The following DIS3L2 variants were observed in gnomAD, a reference collection of about 807,000 sequenced individuals.
DIS3L2 encodes the protein DIS3-like exonuclease 2.
DIS3L2 carries 34 observed loss-of-function variants against 97.5 expected under a neutral mutation model. That is an observed-to-expected ratio of 0.35 (90% CI 0.27 to 0.46). The LOEUF (loss-of-function observed/expected upper bound fraction) is 0.46, where lower values mean the gene tolerates loss of function less well. Ranked by LOEUF, DIS3L2 falls within the 20% of genes least tolerant of loss-of-function variation. DIS3L2 has a pLI of 1.00. For missense variants in DIS3L2, 1,038 were observed against 1,146.0 expected, an observed-to-expected ratio of 0.91 and a Z score of 1.36; for synonymous variants, 435 against 445.2, an observed-to-expected ratio of 0.98 and a Z score of 0.29.
chr2:232,195,282 T>G (rs1190897671), intron 9 of DIS3L2, among the ~76,000 whole-genome samples: 1 of 152,246 alleles, frequency 6.6e-6, no homozygotes, highest in Non-Finnish European at 1.5e-5. Context: ...AATGGGTTCT[T>G]CTTGCCCATT....
chr2:232,028,351 T>A (rs137889473), intron 4 of DIS3L2, among the ~76,000 whole-genome samples: 1 of 152,202 alleles, frequency 6.6e-6, no homozygotes, highest in South Asian at 2.1e-4. Context: ...ACTTTTAATA[T>A]TGAGCAGTTC....
intron 7 of DIS3L2, chr2:232,132,003 T>A (rs1272172660): frequency 7.0e-6 from 1 of 141,906 alleles, no homozygotes; most frequent in African/African-American, 2.6e-5. Flanking sequence ...GGTGTTCACA[T>A]TAAAAATTAG....
rs564954034 is a variant in DIS3L2 at position 231,988,336 on chromosome 2, C to T, written c.-93-26499C>T. Among the ~76,000 whole-genome samples the T allele has an allele frequency of 6.6e-5, 10 of 152,336 alleles. No homozygotes were observed. The South Asian group carries it at 1.9e-3, about 28-fold the overall frequency. On this transcript the variant is annotated intron_variant, in intron 1 of 20. Coordinates refer to ENST00000325385, the MANE Select transcript of DIS3L2 (RefSeq NM_152383.5). ...ATGAATGTGGAACTTAATTTCTCCACGGAAAGTGGAGCTAGAGTGAGGGTT... is the reference window on the plus strand; with the variant it reads ...ATGAATGTGGAACTTAATTTCTCCATGGAAAGTGGAGCTAGAGTGAGGGTT...
At chr2:232,191,118 C>T (rs751790576) in intron 9 of DIS3L2, among the ~76,000 whole-genome samples, 1 of 152,092 alleles carries the variant, frequency 6.6e-6, no homozygotes, top group African/African-American at 2.4e-5. Flanking sequence ...GGATCCTAAA[C>T]GTAAACATCT....
Position 232,322,289 on chromosome 2 carries a change from T to C in DIS3L2, c.1740-7524T>C, listed in dbSNP as rs570870614. On this transcript the variant is annotated intron_variant, in intron 14 of 20. Coordinates refer to ENST00000325385, the MANE Select transcript of DIS3L2 (RefSeq NM_152383.5). The stretch of plus-strand genomic sequence containing the variant: ...GCTTGGGCAAGCCCTTCGAGCTCAC[T>C]GAGCTCCCTGTGCTCCTGCCAGGCA... 1.5e-3 allele frequency among the ~76,000 whole-genome samples: 235 copies of C among 152,346 alleles called. 1 individual carries two copies. The highest frequency in any genetic ancestry group is 5.6e-3 in the African/African-American group (231 of 41,582).
chr2:232,318,366 A>G (rs1200885083), intron 14 of DIS3L2, among the ~76,000 whole-genome samples: 2 of 152,264 alleles, frequency 1.3e-5, no homozygotes, highest in African/African-American at 4.8e-5. Flanking sequence ...AGTTTCGCCA[A>G]GTGTTCTCTG....
Position 232,249,245 on chromosome 2 carries a change from C to T in DIS3L2, c.1324C>T (p.Pro442Ser). The T allele has an allele frequency of 6.2e-7, 1 of 1,613,800 alleles. No individual in the cohort carries two copies. The highest frequency in any genetic ancestry group is 8.5e-7 in the Non-Finnish European group (1 of 1,179,988). ...GCCTGTGCTCTATTTACAGGTGGTC[C>T]CCATGCTTCCCAGGCTGCTGTGTGA... is the stretch of plus-strand genomic sequence containing the variant. ...TSVYLVQKVV[P>S]MLPRLLCEEL... Residue 442 changes from proline to serine, a missense_variant, in exon 12 of 21, where the codon CCC (proline) becomes TCC (serine). Physicochemically the swap from Pro to Ser is moderately conservative, Grantham distance 74. Coordinates refer to ENST00000325385, the MANE Select transcript of DIS3L2 (RefSeq NM_152383.5).
intron 1 of DIS3L2, among the ~76,000 whole-genome samples, chr2:232,008,312 G>T (rs1559536338): frequency 6.6e-6 from 1 of 151,758 alleles, no homozygotes; most frequent in East Asian, 1.9e-4. Context: ...ACAGGTGTGA[G>T]CCACCACATC....
intron 12 of DIS3L2, among the ~76,000 whole-genome samples, chr2:232,250,749 G>A (rs1693394006): frequency 6.6e-6 from 1 of 152,196 alleles, no homozygotes; most frequent in South Asian, 2.1e-4. Flanking sequence ...GAGATTGAGT[G>A]AATGTTGGCA....
intron 8 of DIS3L2, among the ~76,000 whole-genome samples, chr2:232,156,098 A>C (rs988440371): frequency 6.6e-6 from 1 of 151,796 alleles, no homozygotes; most frequent in African/African-American, 2.4e-5. Context: ...TCTGCCTTTC[A>C]CATCTGTCTG....
At chr2:232,166,071 A>G (rs1298871258) in intron 9 of DIS3L2, among the ~76,000 whole-genome samples, 4 of 93,464 alleles carry the variant, frequency 4.3e-5, no homozygotes, top group African/African-American at 1.4e-4. Flanking sequence ...CCCTGTCTCT[A>G]CAATAAATAA....
At chr2:231,963,474 A>G (rs375623316) in intron 1 of DIS3L2, among the ~76,000 whole-genome samples, 9 of 152,242 alleles carry the variant, frequency 5.9e-5, no homozygotes, top group East Asian at 5.8e-4. Flanking sequence ...TTTAAGTTCC[A>G]TAGGGATTCT....
At chr2:232,091,374 T>G (rs1458442298) in intron 6 of DIS3L2, among the ~76,000 whole-genome samples, 2 of 152,192 alleles carry the variant, frequency 1.3e-5, no homozygotes, top group African/African-American at 4.8e-5. Flanking sequence ...TGTTTTAGTT[T>G]TTTAGCTCTC....
chr2:232,160,600 G>C (rs1231761578), intron 8 of DIS3L2, among the ~76,000 whole-genome samples: 3 of 152,092 alleles, frequency 2.0e-5, no homozygotes, highest in East Asian at 1.9e-4. Flanking sequence ...TTTGAGCCAG[G>C]TGTGGTGGCT....
intron 10 of DIS3L2, among the ~76,000 whole-genome samples, chr2:232,220,629 C>T (rs919463018): frequency 6.6e-6 from 1 of 152,048 alleles, no homozygotes; most frequent in African/African-American, 2.4e-5. Flanking sequence ...ATCGCTTGAA[C>T]CCGGGAGGCA....
chr2:231,982,429 A>T (rs1574784358), intron 1 of DIS3L2, among the ~76,000 whole-genome samples: 1 of 152,204 alleles, frequency 6.6e-6, no homozygotes, highest in Admixed American at 6.5e-5. Flanking sequence ...TATATATTCA[A>T]TACTTACGTA....
At chr2:232,197,955 A>G (rs1445018772) in intron 9 of DIS3L2, among the ~76,000 whole-genome samples, 2 of 149,464 alleles carry the variant, frequency 1.3e-5, no homozygotes, top group Non-Finnish European at 3.0e-5. Context: ...ACAGAGTGAG[A>G]CTCCATCTCA....
chr2:232,065,242 C>A (rs1261352132), intron 5 of DIS3L2, among the ~76,000 whole-genome samples: 4 of 152,040 alleles, frequency 2.6e-5, no homozygotes. Context: ...TATTCATTGA[C>A]CAGCAGCTCC....
At chr2:231,962,167 A>G (rs1002409611) in intron 1 of DIS3L2, among the ~76,000 whole-genome samples, 3 of 152,190 alleles carry the variant, frequency 2.0e-5, no homozygotes, top group Admixed American at 1.3e-4. Context: ...ACTGGCAGGG[A>G]TGGGGAGCCT....
Sources: allele counts gnomAD v4.1 joint callset (sites outside exome capture counted in the v4.1 genomes callset), GRCh38; gene constraint gnomAD v4.1.1; transcripts MANE v1.5; gene names NCBI Gene and HGNC (gene_info 2026-07-23, HGNC 2026-07-21).